LARGE1: variants seen among roughly 807,000 people sequenced by gnomAD.
LARGE1 encodes the protein LARGE xylosyl- and glucuronyltransferase 1.
Under a neutral mutation model 87.6 loss-of-function variants are expected in LARGE1, and 43 were observed. That is an observed-to-expected ratio of 0.49 (90% CI 0.38 to 0.63). LARGE1 has a LOEUF of 0.63. Among genes scored for constraint, LARGE1 ranks in the 30% least tolerant of loss-of-function variants. The probability of loss-of-function intolerance (pLI) is 0.00; values close to 1 mark genes in which losing one functional copy is unlikely to be tolerated. For synonymous variants in LARGE1, 434 were observed against 394.6 expected (o/e 1.10, Z -1.18); for missense variants, 802 against 1,000.2 (o/e 0.80, Z 2.67).
At chr22:33,760,187 G>A (rs941713367) in intron 2 of LARGE1, among the ~76,000 whole-genome samples, 1 of 152,176 alleles carries the variant, frequency 6.6e-6, no homozygotes, top group Admixed American at 6.5e-5. Context: ...TGAAATTCAA[G>A]TGTGGGGGTA....
chr22:33,339,027 A>G (rs1447328592), intron 9 of LARGE1, among the ~76,000 whole-genome samples: 1 of 152,034 alleles, frequency 6.6e-6, no homozygotes, highest in Non-Finnish European at 1.5e-5. Flanking sequence ...AGGTGCTTGT[A>G]ATCCCAGCTA....
intron 6 of LARGE1, among the ~76,000 whole-genome samples, chr22:33,543,312 T>C (rs929290813): frequency 2.0e-5 from 3 of 152,118 alleles, no homozygotes; most frequent in African/African-American, 7.2e-5. Context: ...AAAGGGAAGA[T>C]CAAAGAGATA....
At chr22:33,124,674 T>C in the LARGE1 span, among the ~76,000 whole-genome samples, 3 of 152,154 alleles carry the variant, frequency 2.0e-5, no homozygotes, top group African/African-American at 7.2e-5. Context: ...TCATCACCGA[T>C]GCAGGGCAGA....
At chr22:33,097,129 C>T in the LARGE1 span, among the ~76,000 whole-genome samples, 1 of 152,176 alleles carries the variant, frequency 6.6e-6, no homozygotes, top group Admixed American at 6.5e-5. Flanking sequence ...TCCTTTGCCT[C>T]CTGAGACACC....
chr22:33,784,586 G>A (rs964985141), intron 1 of LARGE1, among the ~76,000 whole-genome samples: 17 of 152,010 alleles, frequency 1.1e-4, no homozygotes, highest in African/African-American at 2.7e-4. Context: ...TAGGTGCTCC[G>A]GTGCAAGATC....
rs539990533 is a variant in LARGE1 at position 33,359,560 on chromosome 22, C to CTTT, written c.1132-21762_1132-21760dup. 1.1e-3 allele frequency among the ~76,000 whole-genome samples: 133 copies of CTTT among 119,214 alleles called. 1 individual carries two copies. Among genetic ancestry groups the CTTT allele is most frequent in the Non-Finnish European group, 1.6e-3 (90 of 56,992 alleles). The allele number at this position is 119,214 out of a possible 152,430, so 78.2% of individuals were successfully genotyped here. A position where few individuals can be genotyped will look rare whatever the true frequency, so the allele number is the denominator to read the frequency against. ...GAACGACCCTGTATGGCAGACTCAT[C>CTTT]TTTTTTTTTTTTTTTTTTTTTGAGA... On this transcript the variant is annotated intron_variant, in intron 9 of 14. Transcript: ENST00000397394.
intron 7 of LARGE1, among the ~76,000 whole-genome samples, chr22:33,427,190 T>C (rs2066909036): frequency 6.6e-6 from 1 of 152,238 alleles, no homozygotes; most frequent in South Asian, 2.1e-4. Context: ...TTCTTGCATC[T>C]AGGAGATGAT....
At chr22:33,906,723 C>A (rs549703429) in intron 1 of LARGE1, among the ~76,000 whole-genome samples, 1 of 152,188 alleles carries the variant, frequency 6.6e-6, no homozygotes, top group South Asian at 2.1e-4. Context: ...AGTGGGCAAC[C>A]ATTTGCTTTT....
intron 1 of LARGE1, among the ~76,000 whole-genome samples, chr22:33,851,287 A>T (rs1314549626): frequency 6.6e-6 from 1 of 152,210 alleles, no homozygotes; most frequent in Non-Finnish European, 1.5e-5. Context: ...CGATTTACTC[A>T]AGACCCCACT....
intron 1 of LARGE1, among the ~76,000 whole-genome samples, chr22:33,763,274 C>T (rs146609007): frequency 3.7e-4 from 57 of 152,286 alleles, no homozygotes; most frequent in African/African-American, 1.3e-3. Flanking sequence ...ATAATAAACA[C>T]CTAATGGAGC....
At chr22:33,467,950 T>C (rs1037941160) in intron 6 of LARGE1, among the ~76,000 whole-genome samples, 6 of 152,170 alleles carry the variant, frequency 3.9e-5, no homozygotes, top group African/African-American at 9.7e-5. Flanking sequence ...TTCTGAGGCT[T>C]TGAGGGGCTC....
chr22:33,679,464 A>ACGCGCG (rs1555994451), intron 2 of LARGE1, among the ~76,000 whole-genome samples: 1 of 150,258 alleles, frequency 6.7e-6, no homozygotes, highest in African/African-American at 2.5e-5. Flanking sequence ...ACAGACACAC[A>ACGCGCG]CACGCACACA....
chr22:33,474,479 A>T (rs545603295), intron 6 of LARGE1, among the ~76,000 whole-genome samples: 1 of 152,348 alleles, frequency 6.6e-6, no homozygotes, highest in Non-Finnish European at 1.5e-5. Context: ...GTCTTTTAAA[A>T]GGCAATACAA....
chr22:33,233,228 A>G (rs1926095314), intron 11 of LARGE1, among the ~76,000 whole-genome samples: 1 of 152,110 alleles, frequency 6.6e-6, no homozygotes, highest in Non-Finnish European at 1.5e-5. Context: ...ACTTCCGGGT[A>G]TAGGAAGTTG....
chr22:33,679,627 A>T (rs1603114026), intron 2 of LARGE1, among the ~76,000 whole-genome samples: 2 of 152,294 alleles, frequency 1.3e-5, no homozygotes, highest in East Asian at 3.9e-4. Context: ...GGATTGCATG[A>T]GGTCAGGAGT....
chr22:33,732,883 A>C (rs2083520649), intron 2 of LARGE1: 1 of 152,144 alleles, frequency 6.6e-6, no homozygotes, highest in African/African-American at 2.4e-5. Context: ...GGGTCTTTGC[A>C]TTCGCCTTTC....
chr22:33,751,491 A>T (rs1389056958), intron 2 of LARGE1, among the ~76,000 whole-genome samples: 1 of 151,898 alleles, frequency 6.6e-6, no homozygotes, highest in East Asian at 1.9e-4. Flanking sequence ...TCTCAAAAAA[A>T]AAAAAACAAA....
At chr22:33,739,102 A>G (rs1569417969) in intron 2 of LARGE1, among the ~76,000 whole-genome samples, 2 of 151,998 alleles carry the variant, frequency 1.3e-5, no homozygotes, top group African/African-American at 4.8e-5. Context: ...GAAAAATGGA[A>G]TAACAGTACA....
chr22:33,825,945 G>C (rs2062769653), intron 1 of LARGE1, among the ~76,000 whole-genome samples: 1 of 151,970 alleles, frequency 6.6e-6, no homozygotes, highest in African/African-American at 2.4e-5. Flanking sequence ...TTGAGTAAGA[G>C]CACAGAGCTG....
Sources: gnomAD v4.1 joint callset for allele counts (sites outside exome capture counted in the v4.1 genomes callset) on GRCh38, gnomAD v4.1.1 for gene constraint, MANE v1.5 for transcripts, NCBI Gene and HGNC (gene_info 2026-07-23, HGNC 2026-07-21) for gene names.